The following OR4K14 variants were observed in gnomAD, a reference collection of about 807,000 sequenced individuals.
OR4K14 encodes the protein olfactory receptor family 4 subfamily K member 14.
For missense variants in OR4K14, 406 were observed against 373.6 expected (o/e 1.09, Z -0.72); for synonymous variants, 153 against 141.5 (o/e 1.08, Z -0.58).
At chr14:20,015,329 T>C in intron 1 of OR4K14, 107 bp from the exon 2 acceptor site, 1 of 567,624 alleles carries the variant, frequency 1.8e-6, no homozygotes, top group South Asian at 2.8e-5. Flanking sequence ...TGTCACTTAA[T>C]ATGTGGAATC....
At chr14:20,017,683 AGAGTGGGAAAATAAAGGGAG>A (rs1566526573) in intron 1 of OR4K14, among the ~76,000 whole-genome samples, 1 of 151,992 alleles carries the variant, frequency 6.6e-6, no homozygotes, top group Non-Finnish European at 1.5e-5. Flanking sequence ...GGTAGTGGGG[AGAGTGGGAAAATAAAGGGAG>A]GATGATTAAT....
chr14:20,016,508 A>T (rs1877102994), intron 1 of OR4K14, among the ~76,000 whole-genome samples: 1 of 152,100 alleles, frequency 6.6e-6, no homozygotes, highest in Non-Finnish European at 1.5e-5. Context: ...ATATTCTCAG[A>T]TAATATCTCT....
rs1047013127 is a variant in OR4K14 at position 20,017,979 on chromosome 14, G to A, written c.-30+1164C>T. Among the ~76,000 whole-genome samples, 5 of 151,886 alleles carry A rather than the reference G, an allele frequency of 3.3e-5. No homozygotes were observed. The South Asian group carries it at 1.0e-3, about 31-fold the overall frequency. On this transcript the variant is annotated intron_variant, in intron 1 of 1. Transcript: ENST00000641793. ...CTCTCCTCACTGAGAGGAAAATATT[G>A]TATAAAGCTTTTAATAAGGGGTATC...
Position 20,014,576 on chromosome 14 carries a change from C to G in OR4K14, c.618G>C (p.Leu206Phe), listed in dbSNP as rs1877049555. 1 of 1,614,140 alleles carries G rather than the reference C, an allele frequency of 6.2e-7. No homozygotes were observed. The highest frequency in any genetic ancestry group is 1.7e-5 in the Admixed American group (1 of 60,022). ...LGIIMISDSGLLSLSCFLLLL... is the reference protein window; with the variant it reads ...LGIIMISDSGFLSLSCFLLLL... ...GGAGCAGAAAACAGCTCAAGGAAAG[C>G]AACCCACTGTCTGAGATCATAATTA... The change falls in exon 2 of 2, where the codon TTG (leucine) becomes TTC (phenylalanine). Residue 206 changes from leucine (L) to phenylalanine (F), a missense_variant. Coordinates refer to ENST00000641793, the MANE Select transcript of OR4K14 (RefSeq NM_001004712.2).
chr14:20,019,024 A>G (rs1388987983), intron 1 of OR4K14, 119 bp downstream of exon 1: 1 of 151,960 alleles, frequency 6.6e-6, no homozygotes, highest in Non-Finnish European at 1.5e-5. Flanking sequence ...TTTAACTTCA[A>G]CTTGCAAGTT....
chr14:20,014,339 G>C lies in OR4K14; in HGVS notation c.855C>G (p.Pro285=). 1 of 1,613,566 alleles carries C rather than the reference G, an allele frequency of 6.2e-7. No homozygotes were observed. Among genetic ancestry groups the C allele is most frequent in the Non-Finnish European group, 8.5e-7 (1 of 1,179,636 alleles). ...FYTIFTPLLN[P]IIYTLRNEEM... is the part of the protein sequence containing the mutation. ...CCTCATTTCTCAATGTGTAGATAAT[G>C]GGGTTCAGGAGTGGAGTAAAAATGG... Residue 285 remains proline, a synonymous_variant, in exon 2 of 2, where the codon CCC becomes CCG. Transcript: ENST00000641793.
intron 1 of OR4K14, among the ~76,000 whole-genome samples, chr14:20,017,119 C>A (rs1423716977): frequency 2.6e-5 from 4 of 151,754 alleles, no homozygotes; most frequent in Admixed American, 2.0e-4. Flanking sequence ...TATTAAGGTA[C>A]AATTTATATA....
At chr14:20,017,376 A>G (rs971492943) in intron 1 of OR4K14, among the ~76,000 whole-genome samples, 3 of 152,038 alleles carry the variant, frequency 2.0e-5, no homozygotes, top group Admixed American at 6.5e-5. Flanking sequence ...AAACCAATCA[A>G]TACAAGAAGA....
intron 1 of OR4K14, among the ~76,000 whole-genome samples, chr14:20,016,079 T>A (rs1877092551): frequency 1.0e-5 from 1 of 97,404 alleles, no homozygotes; most frequent in Non-Finnish European, 2.4e-5. Context: ...TGTTAAGCAC[T>A]AAATATTGAA....
At chr14:20,015,883 G>A (rs12436330) in intron 1 of OR4K14, among the ~76,000 whole-genome samples, 49,549 of 151,190 alleles carry the variant, frequency 0.33, 9,947 homozygotes, top group Non-Finnish European at 0.45. Context: ...TTCTGCATAG[G>A]TGAGAGTTGT....
Position 20,014,789 on chromosome 14 carries a change from A to G in OR4K14, c.405T>C (p.Thr135=), listed in dbSNP as rs762929945. The G allele has an allele frequency of 4.3e-6, 7 of 1,614,054 alleles. No individual in the cohort carries two copies. The Admixed American group carries it at 1.0e-4, about 23-fold the overall frequency. ...TGATGCAAGTCTGCCAACTCATCAAAGTCATGTAATGCAAGGGTTTGCATA... is the reference window on the plus strand; with the variant it reads ...TGATGCAAGTCTGCCAACTCATCAAGGTCATGTAATGCAAGGGTTTGCATA... ...VAICKPLHYM[T]LMSWQTCIRL... is the part of the protein sequence containing the mutation. Residue 135 remains threonine (T), a synonymous_variant, in exon 2 of 2, where the codon ACT becomes ACC. Transcript: ENST00000641793.
Position 20,014,876 on chromosome 14 carries a change from G to C in OR4K14, c.318C>G (p.His106Gln). 1 of 1,614,142 alleles carries C rather than the reference G, an allele frequency of 6.2e-7. No individual in the cohort carries two copies. Among genetic ancestry groups the C allele is most frequent in the Non-Finnish European group, 8.5e-7 (1 of 1,180,008 alleles). ...GCACCATCTCAGCCCCACCAGTAAA[G>C]TGCAAGAAGAAGATTTGAGCCATAC... ...GGCMAQIFFL[H>Q]FTGGAEMVLL... The change falls in exon 2 of 2, where the codon CAC (histidine) becomes CAG (glutamine). Residue 106 changes from histidine to glutamine, a missense_variant. By Grantham distance (24) the His-to-Gln change is conservative. Transcript: ENST00000641793.
At chr14:20,016,895 T>C (rs1408245933) in intron 1 of OR4K14, among the ~76,000 whole-genome samples, 2 of 151,998 alleles carry the variant, frequency 1.3e-5, no homozygotes, top group African/African-American at 4.8e-5. Context: ...TTATAATTCA[T>C]TTTTTCTTAA....
Position 20,014,632 on chromosome 14 carries a change from G to C in OR4K14, c.562C>G (p.Leu188Val). Residue 188 changes from leucine (L) to valine (V), a missense_variant, in exon 2 of 2, where the codon CTT (leucine) becomes GTT (valine). By Grantham distance (32) the Leu-to-Val change is conservative. Transcript: ENST00000641793. ...AAGACATAGGTGTCCATGCAGGCAA[G>C]TTTGATCACCAGAGGGAGGTCACAG... is the stretch of plus-strand genomic sequence containing the variant. ...FFCDLPLVIKLACMDTYVLGI... is the reference protein window; with the variant it reads ...FFCDLPLVIKVACMDTYVLGI... 1 of 1,614,068 alleles carries C rather than the reference G, an allele frequency of 6.2e-7. No homozygotes were observed. The highest frequency in any genetic ancestry group is 2.2e-5 in the East Asian group (1 of 44,870).
Position 20,014,308 on chromosome 14 carries a change from T to G in OR4K14, c.886A>C (p.Lys296Gln). 1 of 1,612,072 alleles carries G rather than the reference T, an allele frequency of 6.2e-7. No individual in the cohort carries two copies. ...TTTTGCAGTTTCTTCATAGCTGCTT[T>G]CATCTCCTCATTTCTCAATGTGTAG... ...IIYTLRNEEM[K>Q]AAMKKLQNRR... The change falls in exon 2 of 2, where the codon AAA becomes CAA. Residue 296 changes from lysine to glutamine, a missense_variant. Physicochemically the swap from Lys to Gln is moderately conservative, Grantham distance 53. Transcript: ENST00000641793.
In OR4K14 at chr14:20,014,529, A is replaced by T. The variant is rs1877047550; in HGVS notation, c.665T>A (p.Ile222Asn). 1 of 1,614,006 alleles carries T rather than the reference A, an allele frequency of 6.2e-7. No homozygotes were observed. The highest frequency in any genetic ancestry group is 8.5e-7 in the Non-Finnish European group (1 of 1,180,024). Residue 222 changes from isoleucine to asparagine, a missense_variant, in exon 2 of 2, where the codon ATC becomes AAC. Ile to Asn is a moderately radical substitution (Grantham distance 149). Transcript: ENST00000641793. ...FLLLLISYTVILLAIRQRAAG... is the reference protein window; with the variant it reads ...FLLLLISYTVNLLAIRQRAAG... ...AGCACGCTGTCTGATAGCGAGGAGG[A>T]TCACGGTGTAGGAGATCAGGAGGAG...
Position 20,014,539 on chromosome 14 carries a change from A to G in OR4K14, c.655T>C (p.Tyr219His). The G allele has an allele frequency of 1.9e-6, 3 of 1,614,124 alleles. No individual in the cohort carries two copies. The highest frequency in any genetic ancestry group is 2.2e-5 in the South Asian group (2 of 91,076). ...LSCFLLLLIS[Y>H]TVILLAIRQR... ...CTGATAGCGAGGAGGATCACGGTGT[A>G]GGAGATCAGGAGGAGCAGAAAACAG... The change falls in exon 2 of 2, where the codon TAC becomes CAC. Residue 219 changes from tyrosine (Y) to histidine (H), a missense_variant. Coordinates refer to ENST00000641793, the MANE Select transcript of OR4K14 (RefSeq NM_001004712.2).
At chr14:20,017,530 C>T (rs1179738204) in intron 1 of OR4K14, among the ~76,000 whole-genome samples, 2 of 64,250 alleles carry the variant, frequency 3.1e-5, no homozygotes, top group Admixed American at 4.4e-4. Context: ...TGAATTAGAT[C>T]ATTTATAGAT....
intron 1 of OR4K14, among the ~76,000 whole-genome samples, chr14:20,017,793 C>A (rs575369025): frequency 1.5e-3 from 224 of 152,084 alleles, no homozygotes; most frequent in African/African-American, 5.2e-3. Flanking sequence ...GAGCATAAAA[C>A]CTATGCAATC....
Sources: allele counts gnomAD v4.1 joint callset (sites outside exome capture counted in the v4.1 genomes callset), GRCh38; gene constraint gnomAD v4.1.1; transcripts MANE v1.5; gene names NCBI Gene and HGNC (gene_info 2026-07-23, HGNC 2026-07-21).